The following CLDN16 variants were observed in gnomAD, a reference collection of about 807,000 sequenced individuals.
CLDN16 encodes the protein claudin 16.
CLDN16 carries 13 observed loss-of-function variants against 24.6 expected under a neutral mutation model. The observed-to-expected ratio is 0.53, with a 90% confidence interval of 0.34 to 0.84. CLDN16 has a LOEUF of 0.84. Among genes scored for constraint, CLDN16 ranks in the 40% least tolerant of loss-of-function variants. CLDN16 has a pLI of 0.01. For missense variants in CLDN16, 298 were observed against 292.7 expected, an observed-to-expected ratio of 1.02 and a Z score of -0.13; for synonymous variants, 116 against 106.7, an observed-to-expected ratio of 1.09 and a Z score of -0.54.
intron 1 of CLDN16, among the ~76,000 whole-genome samples, chr3:190,332,751 T>G (rs761012893): frequency 6.0e-5 from 9 of 150,786 alleles, no homozygotes; most frequent in Non-Finnish European, 1.0e-4. Context: ...GAAAGATTAT[T>G]TAATCAGGTA....
chr3:190,406,281 T>C (rs1170019131), intron 3 of CLDN16, among the ~76,000 whole-genome samples: 2 of 152,314 alleles, frequency 1.3e-5, no homozygotes, highest in Non-Finnish European at 2.9e-5. Context: ...GTTACAAAAA[T>C]TTAGAATTCT....
At chr3:190,368,129 C>T (rs1208834717) in intron 1 of CLDN16, among the ~76,000 whole-genome samples, 2 of 151,980 alleles carry the variant, frequency 1.3e-5, no homozygotes, top group South Asian at 4.1e-4. Context: ...TTTGATCCCA[C>T]ATCCTGGGAT....
intron 1 of CLDN16, among the ~76,000 whole-genome samples, chr3:190,394,440 C>G (rs1718763664): frequency 6.6e-6 from 1 of 152,116 alleles, no homozygotes; most frequent in Non-Finnish European, 1.5e-5. Flanking sequence ...AGGTTCTCTT[C>G]TGGGATTTCT....
At chr3:190,392,059 C>CTTTTTTTTTTTTTT (rs35220103) in intron 1 of CLDN16, among the ~76,000 whole-genome samples, 11,543 of 124,172 alleles carry the variant, frequency 0.093, 1,157 homozygotes, top group Non-Finnish European at 0.15. Context: ...CCTTTTCAGT[C>CTTTTTTTTTTTTTT]TTTTTTTTTT....
chr3:190,361,266 A>G (rs1717881551), intron 1 of CLDN16, among the ~76,000 whole-genome samples: 1 of 151,978 alleles, frequency 6.6e-6, no homozygotes, highest in South Asian at 2.1e-4. Flanking sequence ...TAACTATTGC[A>G]TTATCTCAGT....
intron 1 of CLDN16, among the ~76,000 whole-genome samples, chr3:190,369,975 T>C (rs1433422909): frequency 1.3e-5 from 2 of 151,990 alleles, no homozygotes; most frequent in Non-Finnish European, 2.9e-5. Context: ...GCGAATTTTG[T>C]ATTCCGAGAA....
intron 1 of CLDN16, among the ~76,000 whole-genome samples, chr3:190,332,135 T>C (rs1202578555): frequency 2.0e-5 from 3 of 152,188 alleles, no homozygotes; most frequent in Non-Finnish European, 4.4e-5. Flanking sequence ...ATATAACATA[T>C]CTCTGAGTTT....
chr3:190,388,450 A>C lies in CLDN16; in HGVS notation c.114+7A>C. The C allele has an allele frequency of 6.2e-7, 1 of 1,613,666 alleles. No individual in the cohort carries two copies. The highest frequency in any genetic ancestry group is 8.5e-7 in the Non-Finnish European group (1 of 1,179,616). On this transcript the variant is annotated splice_region_variant and intron_variant, in intron 1 of 4. Transcript: ENST00000264734. ...TGCTGATGACTCTCTGGAGGTAAGAAGATAGCAGCTTCTTTTCATGATCCA... is the reference window on the plus strand; with the variant it reads ...TGCTGATGACTCTCTGGAGGTAAGACGATAGCAGCTTCTTTTCATGATCCA...
chr3:190,324,384 G>A (rs2108618687), intron 1 of CLDN16, among the ~76,000 whole-genome samples: 2 of 152,290 alleles, frequency 1.3e-5, no homozygotes, highest in South Asian at 4.1e-4. Context: ...TTGGGAGGCT[G>A]AGGTAGGAGA....
chr3:190,310,959 C>T, the CLDN16 span, among the ~76,000 whole-genome samples: 1 of 152,114 alleles, frequency 6.6e-6, no homozygotes, highest in Non-Finnish European at 1.5e-5. Flanking sequence ...TAAAATACTT[C>T]ATTTTTTTAT....
At chr3:190,400,514 A>G (rs1718936415) in intron 1 of CLDN16, among the ~76,000 whole-genome samples, 1 of 152,196 alleles carries the variant, frequency 6.6e-6, no homozygotes, top group Non-Finnish European at 1.5e-5. Flanking sequence ...TACAGGCGTG[A>G]GCCACCGTGC....
chr3:190,391,599 C>G (rs2108660802), intron 1 of CLDN16, among the ~76,000 whole-genome samples: 1 of 152,208 alleles, frequency 6.6e-6, no homozygotes, highest in African/African-American at 2.4e-5. Flanking sequence ...GTAGAAATGG[C>G]AGCAGGGGCC....
chr3:190,409,299 T>C (rs35323433), intron 4 of CLDN16, among the ~76,000 whole-genome samples: 20,772 of 151,548 alleles, frequency 0.14, 1,452 homozygotes, highest in Middle Eastern at 0.21. Flanking sequence ...TGCACACATG[T>C]ATATGTATGT....
At chr3:190,360,103 A>C (rs563259148) in intron 1 of CLDN16, among the ~76,000 whole-genome samples, 1 of 152,038 alleles carries the variant, frequency 6.6e-6, no homozygotes, top group South Asian at 2.1e-4. Flanking sequence ...TTTGTTATTT[A>C]GAGCAAAGTA....
the CLDN16 span, among the ~76,000 whole-genome samples, chr3:190,301,989 A>T: frequency 6.6e-6 from 1 of 152,300 alleles, no homozygotes; most frequent in African/African-American, 2.4e-5. Flanking sequence ...GTCATATCCT[A>T]TATATTTTAA....
At chr3:190,319,906 C>T (rs1205348355), upstream of CLDN16, among the ~76,000 whole-genome samples, 3 of 152,088 alleles carry the variant, frequency 2.0e-5, no homozygotes, top group South Asian at 2.1e-4. Flanking sequence ...CCGTGAGTCA[C>T]GGCAGGTGAG....
intron 1 of CLDN16, among the ~76,000 whole-genome samples, chr3:190,351,419 A>G (rs1717670588): frequency 6.6e-6 from 1 of 151,984 alleles, no homozygotes; most frequent in Admixed American, 6.6e-5. Context: ...ATTTAATCCC[A>G]TCTTGAGAGC....
At chr3:190,401,556 T>C (rs541796495) in intron 1 of CLDN16, among the ~76,000 whole-genome samples, 87 of 152,326 alleles carry the variant, frequency 5.7e-4, no homozygotes, top group Admixed American at 9.1e-4. Context: ...CTAAGAAATC[T>C]ATTGTGACTT....
chr3:190,339,200 A>G (rs958095408), intron 1 of CLDN16, among the ~76,000 whole-genome samples: 1 of 152,146 alleles, frequency 6.6e-6, no homozygotes, highest in South Asian at 2.1e-4. Context: ...TTGCTTCCTT[A>G]AAGACTTCTA....
Sources: gnomAD v4.1 joint callset for allele counts (sites outside exome capture counted in the v4.1 genomes callset) on GRCh38, gnomAD v4.1.1 for gene constraint, MANE v1.5 for transcripts, NCBI Gene and HGNC (gene_info 2026-07-23, HGNC 2026-07-21) for gene names.